Variants in PFKFB4 observed in about 807,000 individuals in gnomAD.
PFKFB4 encodes the protein 6-phosphofructo-2-kinase/fructose-2,6-biphosphatase 4, also known as 6-phosphofructo-2-kinase/fructose-2,6-bisphosphatase 4.
PFKFB4 carries 42 observed loss-of-function variants against 62.8 expected under a neutral mutation model. The ratio of observed to expected loss-of-function variants is 0.67; its 90% CI spans 0.52 to 0.86. PFKFB4 has a LOEUF of 0.86. PFKFB4 is among the 40% of genes least tolerant of loss of function. The pLI is 0.00. For missense variants in PFKFB4, 475 were observed against 627.2 expected (o/e 0.76, Z 2.59); for synonymous variants, 204 against 240.7 (o/e 0.85, Z 1.41).
intron 10 of PFKFB4, among the ~76,000 whole-genome samples, chr3:48,524,614 G>A (rs1011552752): frequency 6.6e-6 from 1 of 152,202 alleles, no homozygotes; most frequent in African/African-American, 2.4e-5. Flanking sequence ...TCTCCTGACC[G>A]TTATCTGGGT....
chr3:48,537,837 T>C (rs1259967369), intron 7 of PFKFB4, among the ~76,000 whole-genome samples: 1 of 152,172 alleles, frequency 6.6e-6, no homozygotes, highest in Non-Finnish European at 1.5e-5. Context: ...TATTACACAA[T>C]CTTATAGAAT....
intron 9 of PFKFB4, among the ~76,000 whole-genome samples, chr3:48,530,985 G>T (rs1217856268): frequency 6.6e-6 from 1 of 152,054 alleles, no homozygotes; most frequent in Non-Finnish European, 1.5e-5. Context: ...GGGATTGCAG[G>T]CATGAGCCAC....
At position 48,538,547 on chromosome 3, in the gene PFKFB4, T is replaced by C. The variant is rs934188775; in HGVS notation, c.583A>G (p.Ile195Val). 5 of 1,614,184 alleles carry C rather than the reference T, an allele frequency of 3.1e-6. No homozygotes were observed. The Admixed American group carries it at 5.0e-5, about 16-fold the overall frequency. Reference sequence around the variant, plus strand: ...TCGTAGGAGTTCTCATAGCACTCAATGCGCCTCATGAAGTCCTCCGTAGCC... The same window carrying C: ...TCGTAGGAGTTCTCATAGCACTCAACGCGCCTCATGAAGTCCTCCGTAGCC... ...DEATEDFMRRIECYENSYESL... is the reference protein window; with the variant it reads ...DEATEDFMRRVECYENSYESL... The change falls in exon 7 of 14, where the codon ATT becomes GTT. Residue 195 changes from isoleucine (I) to valine (V), a missense_variant. Ile to Val is a conservative substitution (Grantham distance 29). Coordinates refer to ENST00000232375, the MANE Select transcript of PFKFB4 (RefSeq NM_004567.4).
chr3:48,539,219 C>A (rs542809605), intron 6 of PFKFB4, 35 bp downstream of exon 6: 12 of 1,552,322 alleles, frequency 7.7e-6, no homozygotes, highest in Non-Finnish European at 9.8e-6. Flanking sequence ...CCCTGTCACA[C>A]ACGACCTTCT....
chr3:48,558,689 G>T (rs1291992190), upstream of PFKFB4, among the ~76,000 whole-genome samples: 1 of 152,232 alleles, frequency 6.6e-6, no homozygotes, highest in African/African-American at 2.4e-5. Context: ...GGAACACCCT[G>T]CCCCAGGCAG....
At chr3:48,551,379 C>A (rs753036407) in intron 1 of PFKFB4, among the ~76,000 whole-genome samples, 18 of 151,680 alleles carry the variant, frequency 1.2e-4, no homozygotes, top group Non-Finnish European at 2.4e-4. Context: ...CCACACCTGG[C>A]TAATTTTTGT....
At chr3:48,524,203 C>T (rs907286401) in intron 10 of PFKFB4, among the ~76,000 whole-genome samples, 2 of 152,316 alleles carry the variant, frequency 1.3e-5, no homozygotes, top group African/African-American at 4.8e-5. Context: ...CTGACAAGAG[C>T]GAAGGGGAAG....
chr3:48,555,458 G>T (rs953299905), intron 1 of PFKFB4, among the ~76,000 whole-genome samples: 23 of 152,188 alleles, frequency 1.5e-4, no homozygotes, highest in Non-Finnish European at 2.6e-4. Context: ...GCAGAGGCAG[G>T]ATCACAGGGA....
intron 3 of PFKFB4, among the ~76,000 whole-genome samples, chr3:48,546,885 T>C (rs2042980937): frequency 6.6e-6 from 1 of 152,172 alleles, no homozygotes; most frequent in Non-Finnish European, 1.5e-5. Flanking sequence ...ATTTTACACA[T>C]GTTGTCAATG....
intron 7 of PFKFB4, among the ~76,000 whole-genome samples, chr3:48,538,174 G>A (rs939270236): frequency 6.6e-6 from 1 of 152,124 alleles, no homozygotes; most frequent in Admixed American, 6.6e-5. Context: ...ATCCTCCAAG[G>A]TCTAAATAAA....
At chr3:48,552,211 T>C (rs1217111101) in intron 1 of PFKFB4, among the ~76,000 whole-genome samples, 2 of 152,238 alleles carry the variant, frequency 1.3e-5, no homozygotes, top group Non-Finnish European at 2.9e-5. Flanking sequence ...TCCAAGAGCC[T>C]GGGCACTTCT....
chr3:48,528,877 A>G (rs1005299688), intron 9 of PFKFB4, among the ~76,000 whole-genome samples: 1 of 152,320 alleles, frequency 6.6e-6, no homozygotes, highest in East Asian at 1.9e-4. Context: ...GTGGTAGCTT[A>G]AGGCAGAAGG....
rs1212361385 is a variant in PFKFB4 at position 48,534,143 on chromosome 3, CAT to C, written c.987+1367_987+1368del. ...AAGTAAAGATAAGTGAATTTGAAGA[CAT>C]AGCAGTAGAAACTATCTAAATTAAA... On this transcript the variant is annotated intron_variant, in intron 9 of 13. Coordinates refer to ENST00000232375, the MANE Select transcript of PFKFB4 (RefSeq NM_004567.4). 2.0e-5 allele frequency among the ~76,000 whole-genome samples: 3 copies of C among 152,056 alleles called. 1 individual carries two copies. Among genetic ancestry groups the C allele is most frequent in the South Asian group, 4.1e-4 (2 of 4,826 alleles).
At chr3:48,562,485 C>T (rs774220065), upstream of PFKFB4, 30 of 439,838 alleles carry the variant, frequency 6.8e-5, 1 homozygote, top group East Asian at 1.1e-3. This position sits in a 1 kb window ranked among gnomAD's most constrained non-coding sequence, Gnocchi z 4.3. Flanking sequence ...CCAAGCTGTC[C>T]GGACATATAT....
At position 48,521,931 on chromosome 3, in the gene PFKFB4, T is replaced by C. The variant is rs1290663368; in HGVS notation, c.1350+55A>G. On this transcript the variant is annotated intron_variant, in intron 13 of 13. Coordinates refer to ENST00000232375, the MANE Select transcript of PFKFB4 (RefSeq NM_004567.4). This position sits in a 1 kb window ranked among gnomAD's most constrained non-coding sequence, Gnocchi z 5.3. The stretch of plus-strand genomic sequence containing the variant: ...GCCTGGCCCTGGAGGATGTGCAGTC[T>C]GGACACCCCCACATCAGGAACACCC... 6.9e-7 allele frequency: 1 copy of C among 1,440,632 alleles called. No individual in the cohort carries two copies. The highest frequency in any genetic ancestry group is 1.4e-5 in the African/African-American group (1 of 71,672). 89.2% of individuals were successfully genotyped at this position (1,440,632 alleles called of 1,614,324 possible).
rs574970881 is a variant in PFKFB4, at chr3:48,519,405, T to C, written c.*342A>G. ...TCACAGCAAGCACTTTCCTTTCACA[T>C]TGTAGGGTTTCACACTTCACAAAGC... On this transcript the variant is annotated 3_prime_UTR_variant, in exon 14 of 14. Transcript: ENST00000232375. The C allele has an allele frequency of 2.8e-4, 71 of 257,980 alleles. No individual in the cohort carries two copies. Among genetic ancestry groups the C allele is most frequent in the African/African-American group, 1.5e-3 (67 of 45,574 alleles). The allele number at this position is 257,980 out of a possible 1,614,324, so 16.0% of individuals were successfully genotyped here.
upstream of PFKFB4, chr3:48,560,920 A>G (rs2043422098): frequency 4.6e-6 from 1 of 217,278 alleles, no homozygotes; most frequent in African/African-American, 2.5e-5. Flanking sequence ...GGCCACTGAC[A>G]GATGAATGGC....
chr3:48,554,127 A>G (rs2043241319), intron 1 of PFKFB4, among the ~76,000 whole-genome samples: 1 of 151,976 alleles, frequency 6.6e-6, no homozygotes, highest in African/African-American at 2.4e-5. Flanking sequence ...GGAGCTGGGG[A>G]CTAGACTCCA....
rs1454414718 is a variant in PFKFB4, at chr3:48,521,825, C to A, written c.1350+161G>T. Among the ~76,000 whole-genome samples the A allele has an allele frequency of 2.0e-5, 3 of 152,232 alleles. No homozygotes were observed. The highest frequency in any genetic ancestry group is 7.2e-5 in the African/African-American group (3 of 41,476). On this transcript the variant is annotated intron_variant, in intron 13 of 13. Transcript: ENST00000232375. This position sits in a 1 kb window ranked among gnomAD's most constrained non-coding sequence, Gnocchi z 5.3. ...GGGAAGGCCTGATGCAGGCCCCACC[C>A]AGAGCCAGGGCCCCGCCCTGCTGAT...
Sources: allele counts gnomAD v4.1 joint callset (sites outside exome capture counted in the v4.1 genomes callset), GRCh38; gene constraint gnomAD v4.1.1; non-coding constraint Gnocchi (gnomAD v3.1); transcripts MANE v1.5; gene names NCBI Gene and HGNC (gene_info 2026-07-23, HGNC 2026-07-21).